NTRK2: variants seen among roughly 807,000 people sequenced by gnomAD.
NTRK2 encodes the protein BDNF/NT-3 growth factors receptor.
Under a neutral mutation model 94.5 loss-of-function variants are expected in NTRK2, and 13 were observed. The ratio of observed to expected loss-of-function variants is 0.14; its 90% confidence interval spans 0.09 to 0.22. The LOEUF (loss-of-function observed/expected upper bound fraction) is 0.22, where lower values mean the gene tolerates loss of function less well. Among genes scored for constraint, NTRK2 ranks in the 10% least tolerant of loss-of-function variants. The pLI is 1.00. For missense variants in NTRK2, 639 were observed against 1,071.2 expected, an observed-to-expected ratio of 0.60 and a Z score of 5.63; for synonymous variants, 372 against 407.4, an observed-to-expected ratio of 0.91 and a Z score of 1.05.
intron 12 of NTRK2, among the ~76,000 whole-genome samples, chr9:84,849,995 A>G (rs897513572): frequency 2.0e-5 from 3 of 152,206 alleles, no homozygotes; most frequent in Non-Finnish European, 4.4e-5. Flanking sequence ...AGTGCTTAAA[A>G]TCTAATAGGA....
At chr9:84,804,189 G>T (rs1398875755) in intron 12 of NTRK2, among the ~76,000 whole-genome samples, 2 of 152,124 alleles carry the variant, frequency 1.3e-5, no homozygotes, top group East Asian at 3.9e-4. Flanking sequence ...TGTTTTGGAG[G>T]CTTATTATCT....
chr9:84,885,983 A>C (rs1479800463), intron 14 of NTRK2, among the ~76,000 whole-genome samples: 1 of 152,168 alleles, frequency 6.6e-6, no homozygotes, highest in African/African-American at 2.4e-5. Context: ...GTGAGCTGAG[A>C]TTGCGCCACT....
chr9:84,882,809 G>A (rs1371792656), intron 14 of NTRK2, among the ~76,000 whole-genome samples: 4 of 152,036 alleles, frequency 2.6e-5, no homozygotes, highest in Admixed American at 6.6e-5. Flanking sequence ...CGCTCTTGTC[G>A]CCCAGGCTGG....
chr9:84,791,537 G>A (rs1369997011), intron 12 of NTRK2, among the ~76,000 whole-genome samples: 7 of 152,100 alleles, frequency 4.6e-5, no homozygotes, highest in Non-Finnish European at 4.4e-5. Flanking sequence ...GTTTGGGGGT[G>A]GGGGGCACAG....
intron 12 of NTRK2, among the ~76,000 whole-genome samples, chr9:84,772,887 A>C (rs1214469491): frequency 6.6e-6 from 1 of 152,166 alleles, no homozygotes. Context: ...ACGATGATGG[A>C]GAGACAGACA....
Position 84,702,140 on chromosome 9 carries a change from ACT to A in NTRK2, c.213-14_213-13del. ...CCTACATTCTGAGTCACTGCGATTC[ACT>A]CTCTGCTTTGTTACAGTTTCATCGC... On this transcript the variant is annotated splice_polypyrimidine_tract_variant and intron_variant, in intron 2 of 18. Transcript: ENST00000277120. 1 of 1,611,388 alleles carries A rather than the reference ACT, an allele frequency of 6.2e-7. No homozygotes were observed. The highest frequency in any genetic ancestry group is 8.5e-7 in the Non-Finnish European group (1 of 1,177,668).
chr9:84,813,137 C>T (rs200678565), intron 12 of NTRK2: 15 of 1,042,092 alleles, frequency 1.4e-5, no homozygotes, highest in Middle Eastern at 4.4e-4. Flanking sequence ...TTGCTGAAAT[C>T]GGGCCTGTCA....
At chr9:84,676,985 A>C (rs943371374) in intron 2 of NTRK2, among the ~76,000 whole-genome samples, 1 of 142,526 alleles carries the variant, frequency 7.0e-6, no homozygotes, top group Non-Finnish European at 1.5e-5. Context: ...GTGTGTGTTA[A>C]ATTTGAAGTG....
At chr9:84,681,458 C>G (rs188491691) in intron 2 of NTRK2, among the ~76,000 whole-genome samples, 14 of 152,062 alleles carry the variant, frequency 9.2e-5, no homozygotes, top group Middle Eastern at 3.2e-3. Context: ...ATTCTTTCAA[C>G]AAATATTGAT....
At chr9:84,881,064 G>GA (rs1214268942) in intron 14 of NTRK2, among the ~76,000 whole-genome samples, 2 of 152,202 alleles carry the variant, frequency 1.3e-5, no homozygotes, top group Non-Finnish European at 2.9e-5. Context: ...GTGGTTTGGA[G>GA]AAACTAATTA....
chr9:84,900,634 G>A (rs955168684), intron 14 of NTRK2, among the ~76,000 whole-genome samples: 12 of 152,156 alleles, frequency 7.9e-5, no homozygotes, highest in African/African-American at 2.2e-4. Flanking sequence ...GGCACGCCTT[G>A]TAAAAATATG....
At chr9:85,013,100 T>C (rs926000906) in intron 17 of NTRK2, among the ~76,000 whole-genome samples, 1 of 152,180 alleles carries the variant, frequency 6.6e-6, no homozygotes, top group Admixed American at 6.6e-5. Context: ...CCTCCTTACC[T>C]GCCCTGAGCT....
chr9:84,686,511 G>T (rs928262859), intron 2 of NTRK2, among the ~76,000 whole-genome samples: 3 of 152,250 alleles, frequency 2.0e-5, no homozygotes, highest in Non-Finnish European at 4.4e-5. Context: ...CCCTGCGACT[G>T]CATTTATGGG....
intron 9 of NTRK2, among the ~76,000 whole-genome samples, chr9:84,739,297 C>T (rs1340395287): frequency 6.6e-6 from 1 of 152,174 alleles, no homozygotes; most frequent in African/African-American, 2.4e-5. Context: ...ATGATCTGCC[C>T]GCCTTGGCCT....
At chr9:84,849,032 A>T (rs1386938373) in intron 12 of NTRK2, among the ~76,000 whole-genome samples, 1 of 152,200 alleles carries the variant, frequency 6.6e-6, no homozygotes, top group African/African-American at 2.4e-5. Context: ...TTTCTTAGGC[A>T]TACATATTGG....
intron 14 of NTRK2, among the ~76,000 whole-genome samples, chr9:84,882,571 TGGA>T (rs2076284915): frequency 6.6e-6 from 1 of 152,172 alleles, no homozygotes; most frequent in Non-Finnish European, 1.5e-5. Context: ...ACACCACTGT[TGGA>T]GGAGATCTGT....
chr9:84,926,295 T>A lies in NTRK2; in HGVS notation c.1634-7867T>A, dbSNP rs1334627767. Among the ~76,000 whole-genome samples, 7 of 151,640 alleles carry A rather than the reference T, an allele frequency of 4.6e-5. No homozygotes were observed. The East Asian group carries it at 1.4e-3, about 29-fold the overall frequency. On this transcript the variant is annotated intron_variant, in intron 14 of 18. Transcript: ENST00000277120. ...TTGCCCAGGATGGAGTGCAATGGCG[T>A]GATCTCAGCTCAATGCAACCTCTCC...
At chr9:84,847,527 G>A (rs2074530383) in intron 12 of NTRK2, among the ~76,000 whole-genome samples, 1 of 152,260 alleles carries the variant, frequency 6.6e-6, no homozygotes, top group Middle Eastern at 3.4e-3. Flanking sequence ...TTTGTCTTAT[G>A]GTTGCAGGAC....
At chr9:84,708,695 C>T (rs944381262) in intron 5 of NTRK2, among the ~76,000 whole-genome samples, 4 of 152,192 alleles carry the variant, frequency 2.6e-5, no homozygotes, top group African/African-American at 7.2e-5. Flanking sequence ...CTCTATCTTG[C>T]CTGAATTGTG....
Sources: allele counts gnomAD v4.1 joint callset (sites outside exome capture counted in the v4.1 genomes callset), GRCh38; gene constraint gnomAD v4.1.1; transcripts MANE v1.5; gene names NCBI Gene and HGNC (gene_info 2026-07-23, HGNC 2026-07-21).